Variants in XKR4 observed in about 807,000 individuals in gnomAD.
XKR4 encodes the protein XK related 4.
In XKR4, 12 loss-of-function variants were observed where a neutral mutation model predicts 53.9. The observed-to-expected ratio is 0.22, with a 90% CI of 0.14 to 0.36. The LOEUF (loss-of-function observed/expected upper bound fraction) is 0.36. Among genes scored for constraint, XKR4 ranks in the 10% least tolerant of loss-of-function variants. The pLI, the probability that XKR4 is intolerant of heterozygous loss-of-function variation, is 1.00. For missense variants in XKR4, 799 were observed against 859.5 expected, an observed-to-expected ratio of 0.93 and a Z score of 0.88; for synonymous variants, 354 against 362.4, an observed-to-expected ratio of 0.98 and a Z score of 0.26.
At chr8:55,367,424 AC>A (rs1804005141) in intron 2 of XKR4, among the ~76,000 whole-genome samples, 1 of 152,324 alleles carries the variant, frequency 6.6e-6, no homozygotes, top group East Asian at 1.9e-4. Context: ...GGTTAATGTT[AC>A]TATTGAATAT....
chr8:55,482,758 A>C (rs1478711324), intron 2 of XKR4, among the ~76,000 whole-genome samples: 2 of 152,150 alleles, frequency 1.3e-5, no homozygotes, highest in Non-Finnish European at 2.9e-5. Context: ...GTTTGCATGA[A>C]ATTTGCTAAC....
intron 2 of XKR4, among the ~76,000 whole-genome samples, chr8:55,390,635 G>T (rs1382073174): frequency 6.6e-6 from 1 of 152,166 alleles, no homozygotes; most frequent in East Asian, 1.9e-4. Context: ...TGGGCACTTT[G>T]GTGTTAGTGT....
chr8:55,390,744 C>A (rs1170334322), intron 2 of XKR4, among the ~76,000 whole-genome samples: 1 of 152,182 alleles, frequency 6.6e-6, no homozygotes, highest in Non-Finnish European at 1.5e-5. Flanking sequence ...TCACCTGGCA[C>A]TGGTTTCTTC....
rs1032839548 is a variant in XKR4, at chr8:55,151,099, T to C, written c.806+47805T>C. ...AGTACTTTTTGTCAGTGTAAGATTG[T>C]CTTTTATTTATCATCTCTCAAGCTA... On this transcript the variant is annotated intron_variant, in intron 1 of 2. Coordinates refer to ENST00000327381, the MANE Select transcript of XKR4 (RefSeq NM_052898.2). 1.1e-4 allele frequency among the ~76,000 whole-genome samples: 16 copies of C among 152,356 alleles called. 1 individual carries two copies. Among genetic ancestry groups the C allele is most frequent in the Admixed American group, 8.5e-4 (13 of 15,296 alleles).
intron 2 of XKR4, among the ~76,000 whole-genome samples, chr8:55,424,135 C>T (rs188159474): frequency 1.3e-5 from 2 of 152,342 alleles, no homozygotes; most frequent in Non-Finnish European, 1.5e-5. Flanking sequence ...CAGATCACCT[C>T]GGGGCATTGC....
At chr8:55,454,458 G>A (rs942241041) in intron 2 of XKR4, 2 of 1,181,720 alleles carry the variant, frequency 1.7e-6, no homozygotes, top group African/African-American at 3.0e-5. Flanking sequence ...GACAGGAAGA[G>A]AACCTCGTGC....
chr8:55,183,900 G>A (rs186792944), intron 1 of XKR4, among the ~76,000 whole-genome samples: 14 of 152,210 alleles, frequency 9.2e-5, no homozygotes, highest in African/African-American at 3.1e-4. Flanking sequence ...TTCTCTTTAT[G>A]TAATTTGAAT....
In XKR4 at chr8:55,499,709, C is replaced by T. The variant is rs899492541; in HGVS notation, c.1007-23572C>T. Among the ~76,000 whole-genome samples, 5 of 152,258 alleles carry T rather than the reference C, an allele frequency of 3.3e-5. 1 individual carries two copies. The highest frequency in any genetic ancestry group is 4.1e-4 in the South Asian group (2 of 4,828). ...ACTACAGCAGCTTGGCAGAGAGAGC[C>T]GTCACACACTAATAATACTAATTTG... On this transcript the variant is annotated intron_variant, in intron 2 of 2. Transcript: ENST00000327381.
chr8:55,538,118 G>T lies in XKR4; in HGVS notation c.*13891G>T, dbSNP rs796675567. 5.9e-5 allele frequency: 9 copies of T among 152,250 alleles called. No homozygotes were observed. Among genetic ancestry groups the T allele is most frequent in the African/African-American group, 2.2e-4 (9 of 41,534 alleles). The allele number at this position is 152,250 out of a possible 1,614,324, so 9.4% of individuals were successfully genotyped here. On this transcript the variant is annotated 3_prime_UTR_variant, in exon 3 of 3. Coordinates refer to ENST00000327381, the MANE Select transcript of XKR4 (RefSeq NM_052898.2). ...AAAACAATATCCTTTTACACTATGG[G>T]ATGGATTCCTTTCTGGATGCAGGGA... is the stretch of plus-strand genomic sequence containing the variant.
intron 1 of XKR4, among the ~76,000 whole-genome samples, chr8:55,326,192 C>T (rs1803289683): frequency 6.6e-6 from 1 of 152,044 alleles, no homozygotes; most frequent in Non-Finnish European, 1.5e-5. Context: ...TAGTATACTG[C>T]AATTGTTCAG....
chr8:55,359,152 A>G lies in XKR4; in HGVS notation c.1006+1275A>G, dbSNP rs778344631. On this transcript the variant is annotated intron_variant, in intron 2 of 2. Transcript: ENST00000327381. ...AGGAAGAGGAAAGTGGAGTCTTTGCACAGAAAAAGAGAAAAGCACGGAGAA... is the reference window on the plus strand; with the variant it reads ...AGGAAGAGGAAAGTGGAGTCTTTGCGCAGAAAAAGAGAAAAGCACGGAGAA... 2.0e-5 allele frequency among the ~76,000 whole-genome samples: 3 copies of G among 152,230 alleles called. 1 individual carries two copies. Among genetic ancestry groups the G allele is most frequent in the Non-Finnish European group, 4.4e-5 (3 of 68,038 alleles).
chr8:55,109,276 T>G (rs549215509), intron 1 of XKR4, among the ~76,000 whole-genome samples: 1 of 152,196 alleles, frequency 6.6e-6, no homozygotes, highest in African/African-American at 2.4e-5. Flanking sequence ...CAGAAGATCA[T>G]CTTCCAGCTC....
chr8:55,284,772 G>A (rs1374328723), intron 1 of XKR4, among the ~76,000 whole-genome samples: 1 of 152,150 alleles, frequency 6.6e-6, no homozygotes, highest in African/African-American at 2.4e-5. Flanking sequence ...CTACACTAAA[G>A]GGAAGGGGAA....
In XKR4 at chr8:55,229,007, CAAACA is replaced by C. The variant is rs532011214; in HGVS notation, c.806+125730_806+125734del. Among the ~76,000 whole-genome samples, 933 of 152,088 alleles carry C rather than the reference CAAACA, an allele frequency of 6.1e-3. 6 individuals are homozygous for C. Among genetic ancestry groups the C allele is most frequent in the Non-Finnish European group, 0.011 (722 of 67,994 alleles). On this transcript the variant is annotated intron_variant, in intron 1 of 2. Transcript: ENST00000327381. The stretch of plus-strand genomic sequence containing the variant: ...TTTTCTAAAGAACTTGAAAAACAAA[CAAACA>C]AAACAAAACAAAACAACAACAACAA...
intron 1 of XKR4, among the ~76,000 whole-genome samples, chr8:55,306,524 C>A (rs1044895724): frequency 1.3e-5 from 2 of 152,078 alleles, no homozygotes; most frequent in Admixed American, 6.5e-5. Flanking sequence ...TGGCGGAAGG[C>A]AAGGAGGAAC....
intron 1 of XKR4, among the ~76,000 whole-genome samples, chr8:55,199,703 A>G (rs1290128826): frequency 6.6e-6 from 1 of 152,210 alleles, no homozygotes; most frequent in East Asian, 1.9e-4. Flanking sequence ...AACATTAGAG[A>G]AAATAAACAA....
rs531080148 is a variant in XKR4 at position 55,102,415 on chromosome 8, G to A, written c.-74G>A. On this transcript the variant is annotated 5_prime_UTR_variant, in exon 1 of 3. Coordinates refer to ENST00000327381, the MANE Select transcript of XKR4 (RefSeq NM_052898.2). This position sits in a 1 kb window ranked among gnomAD's most constrained non-coding sequence, Gnocchi z 5.1. ...TGGGAGGGAAGCCGGGGCGAGGCGA[G>A]GAGGTGGCGGGAGGAGGAGACAGCG... The A allele has an allele frequency of 1.2e-5, 17 of 1,459,702 alleles. No homozygotes were observed. In the East Asian group the frequency reaches 4.6e-4, roughly 39 times the overall value. The allele number at this position is 1,459,702 out of a possible 1,614,324, so 90.4% of individuals were successfully genotyped here.
chr8:55,519,098 G>A (rs751615533), intron 2 of XKR4, among the ~76,000 whole-genome samples: 1 of 152,182 alleles, frequency 6.6e-6, no homozygotes, highest in African/African-American at 2.4e-5. Context: ...TAAATGGGAG[G>A]CAGGAGAGAG....
chr8:55,479,190 A>G (rs1806058532), intron 2 of XKR4, among the ~76,000 whole-genome samples: 1 of 152,122 alleles, frequency 6.6e-6, no homozygotes. Context: ...AGAAATTATA[A>G]CAAACTGTCT....
Sources: allele counts gnomAD v4.1 joint callset (sites outside exome capture counted in the v4.1 genomes callset), GRCh38; gene constraint gnomAD v4.1.1; non-coding constraint Gnocchi (gnomAD v3.1); transcripts MANE v1.5; gene names NCBI Gene and HGNC (gene_info 2026-07-23, HGNC 2026-07-21).